The following MAPKAP1 variants were observed in gnomAD, a reference collection of about 807,000 sequenced individuals.
MAPKAP1 encodes target of rapamycin complex 2 subunit MAPKAP1.
Under a neutral mutation model 65.7 loss-of-function variants are expected in MAPKAP1, and 20 were observed. The ratio of observed to expected loss-of-function variants is 0.30; its 90% CI spans 0.21 to 0.44. The LOEUF is 0.44. Ranked by LOEUF, MAPKAP1 falls within the 20% of genes least tolerant of loss-of-function variation. The pLI is 1.00. For synonymous variants in MAPKAP1, 222 were observed against 244.3 expected (o/e 0.91, Z 0.85); for missense variants, 423 against 648.0 (o/e 0.65, Z 3.77).
chr9:125,483,738 G>A (rs1485599633), intron 9 of MAPKAP1, among the ~76,000 whole-genome samples: 1 of 152,158 alleles, frequency 6.6e-6, no homozygotes, highest in Non-Finnish European at 1.5e-5. Flanking sequence ...TGACTGCTCT[G>A]TACCTCATTT....
intron 2 of MAPKAP1, among the ~76,000 whole-genome samples, 197 bp downstream of exon 2, chr9:125,672,119 A>C (rs953992692): frequency 2.6e-5 from 4 of 152,058 alleles, no homozygotes; most frequent in Admixed American, 2.0e-4. Context: ...TACTTCTAAT[A>C]ATATTCTAGA....
chr9:125,583,721 G>C (rs182742361), intron 5 of MAPKAP1, among the ~76,000 whole-genome samples: 6 of 152,276 alleles, frequency 3.9e-5, no homozygotes, highest in African/African-American at 1.2e-4. Flanking sequence ...GTAACCCTGG[G>C]CAAGTTCCTC....
At chr9:125,655,374 T>C (rs772646196) in intron 4 of MAPKAP1, among the ~76,000 whole-genome samples, 3 of 152,162 alleles carry the variant, frequency 2.0e-5, no homozygotes, top group Admixed American at 6.6e-5. Context: ...TATCAAGGGG[T>C]TGACATGATC....
intron 7 of MAPKAP1, among the ~76,000 whole-genome samples, chr9:125,508,188 A>T (rs190003091): frequency 6.6e-6 from 1 of 152,318 alleles, no homozygotes; most frequent in East Asian, 1.9e-4. Flanking sequence ...AAAAGTGTTA[A>T]GTAAATCAAA....
In MAPKAP1 at chr9:125,437,705, C is replaced by T. The variant is rs1414196896; in HGVS notation, c.*1182G>A. The T allele has an allele frequency of 6.6e-6, 1 of 152,464 alleles. No individual in the cohort carries two copies. The highest frequency in any genetic ancestry group is 2.1e-4 in the South Asian group (1 of 4,830). 9.4% of individuals were successfully genotyped at this position (152,464 alleles called of 1,614,324 possible). A position where few individuals can be genotyped will look rare whatever the true frequency, so the allele number is the denominator to read the frequency against. On this transcript the variant is annotated 3_prime_UTR_variant, in exon 12 of 12. Transcript: ENST00000265960. The stretch of plus-strand genomic sequence containing the variant: ...TGTTTTAGACACATCTCTTCCTGTA[C>T]AACAATTTAAAAAATGTTTCTAATG...
At chr9:125,659,795 G>T (rs1299270996) in intron 3 of MAPKAP1, among the ~76,000 whole-genome samples, 2 of 149,318 alleles carry the variant, frequency 1.3e-5, no homozygotes, top group African/African-American at 4.9e-5. Context: ...TTCTTAAAAT[G>T]TCTGTCTATA....
intron 4 of MAPKAP1, among the ~76,000 whole-genome samples, chr9:125,620,458 C>A (rs945758849): frequency 1.3e-5 from 2 of 152,300 alleles, no homozygotes; most frequent in Admixed American, 1.3e-4. Flanking sequence ...GCAATACTTA[C>A]AAAAATTACA....
chr9:125,478,874 A>T (rs1018766825), intron 9 of MAPKAP1, among the ~76,000 whole-genome samples: 1 of 152,190 alleles, frequency 6.6e-6, no homozygotes, highest in Non-Finnish European at 1.5e-5. Flanking sequence ...CAACAATATC[A>T]ATGTGCTGTG....
At chr9:125,497,012 C>T (rs939987528) in intron 8 of MAPKAP1, among the ~76,000 whole-genome samples, 1 of 152,096 alleles carries the variant, frequency 6.6e-6, no homozygotes, top group Non-Finnish European at 1.5e-5. Context: ...TCAGGGGAAT[C>T]AGTGATCAGA....
At chr9:125,594,672 T>C (rs1173113697) in intron 4 of MAPKAP1, among the ~76,000 whole-genome samples, 1 of 152,178 alleles carries the variant, frequency 6.6e-6, no homozygotes, top group Non-Finnish European at 1.5e-5. Context: ...ACAGTTTCAC[T>C]TTTTTCTGTA....
intron 4 of MAPKAP1, among the ~76,000 whole-genome samples, chr9:125,602,815 CCT>C (rs548651192): frequency 3.9e-5 from 6 of 152,076 alleles, no homozygotes; most frequent in Non-Finnish European, 8.8e-5. Context: ...GTTCCAAAAC[CCT>C]CAGCTGGTGC....
In MAPKAP1 at chr9:125,655,707, T is replaced by G. The variant is rs575443973; in HGVS notation, c.498+1944A>C. On this transcript the variant is annotated intron_variant, in intron 4 of 11. Coordinates refer to ENST00000265960, the MANE Select transcript of MAPKAP1 (RefSeq NM_001006617.3). ...GATGAGAACAAGGGTTTAATTGTAT[T>G]TTAGCAATTGTAATATGTAAGATAA... 1.1e-4 allele frequency among the ~76,000 whole-genome samples: 17 copies of G among 152,358 alleles called. No individual in the cohort carries two copies. In the East Asian group the frequency reaches 2.1e-3, roughly 19 times the overall value.
intron 3 of MAPKAP1, among the ~76,000 whole-genome samples, chr9:125,666,434 GT>G: frequency 6.6e-6 from 1 of 152,304 alleles, no homozygotes. Context: ...GATTCTTCTA[GT>G]GGGGAATGAA....
At chr9:125,503,807 C>G (rs192302821) in intron 8 of MAPKAP1, among the ~76,000 whole-genome samples, 50 of 149,446 alleles carry the variant, frequency 3.3e-4, no homozygotes, top group Non-Finnish European at 6.3e-4. Flanking sequence ...ACCTCTGCCT[C>G]TCAGGCCCAA....
intron 4 of MAPKAP1, among the ~76,000 whole-genome samples, chr9:125,625,697 A>G (rs530151962): frequency 6.6e-6 from 1 of 152,296 alleles, no homozygotes; most frequent in African/African-American, 2.4e-5. Context: ...TGGGAGACTG[A>G]GGCACAAGAA....
chr9:125,503,060 C>T (rs975365228), intron 8 of MAPKAP1, among the ~76,000 whole-genome samples: 12 of 152,132 alleles, frequency 7.9e-5, no homozygotes, highest in Non-Finnish European at 1.5e-4. Context: ...AATATGGCTA[C>T]ACCAGATTTC....
At position 125,447,374 on chromosome 9, in the gene MAPKAP1, T is replaced by G; in HGVS notation, c.1346-2776A>C. On this transcript the variant is annotated intron_variant, in intron 10 of 11. Transcript: ENST00000265960. The surrounding 1 kb of genome is among the most constrained non-coding windows in gnomAD (Gnocchi z 4.5). Reference sequence around the variant, plus strand: ...CAGAGAACGTTCTGTGGAGCACTTGTGTTTGGACTTGAACAATGACACAGC... The same window carrying G: ...CAGAGAACGTTCTGTGGAGCACTTGGGTTTGGACTTGAACAATGACACAGC... 1 of 456,476 alleles carries G rather than the reference T, an allele frequency of 2.2e-6. No homozygotes were observed. Among genetic ancestry groups the G allele is most frequent in the South Asian group, 1.5e-5 (1 of 64,550 alleles). 28.3% of individuals were successfully genotyped at this position (456,476 alleles called of 1,614,324 possible). A position where few individuals can be genotyped will look rare whatever the true frequency, so the allele number is the denominator to read the frequency against.
rs35867576 is a variant in MAPKAP1, at chr9:125,503,880, CTTTT to C, written c.1066+2426_1066+2429del. Among the ~76,000 whole-genome samples, 63 of 66,232 alleles carry C rather than the reference CTTTT, an allele frequency of 9.5e-4. 1 individual carries two copies. Among genetic ancestry groups the C allele is most frequent in the African/African-American group, 4.2e-3 (53 of 12,586 alleles). The allele number at this position is 66,232 out of a possible 152,430, so 43.5% of individuals were successfully genotyped here. A position where few individuals can be genotyped will look rare whatever the true frequency, so the allele number is the denominator to read the frequency against. ...TATAGGCACCCGCCACCACGCTTGG[CTTTT>C]TTTTTTTTTTTTTTTTTTTTTTTTG... On this transcript the variant is annotated intron_variant, in intron 8 of 11. Coordinates refer to ENST00000265960, the MANE Select transcript of MAPKAP1 (RefSeq NM_001006617.3).
chr9:125,626,688 T>G (rs1157626874), intron 4 of MAPKAP1, among the ~76,000 whole-genome samples: 1 of 152,192 alleles, frequency 6.6e-6, no homozygotes, highest in Non-Finnish European at 1.5e-5. Context: ...GAGAAGGAAT[T>G]AAGGAAGCCT....
Sources: gnomAD v4.1 joint callset for allele counts (sites outside exome capture counted in the v4.1 genomes callset) on GRCh38, gnomAD v4.1.1 for gene constraint, Gnocchi (gnomAD v3.1) non-coding constraint, MANE v1.5 for transcripts, NCBI Gene and HGNC (gene_info 2026-07-23, HGNC 2026-07-21) for gene names.